Variants in CSMD2 observed in about 807,000 individuals in gnomAD.
CSMD2 encodes the protein CUB and sushi domain-containing protein 2.
Under a neutral mutation model 398.5 loss-of-function variants are expected in CSMD2, and 130 were observed. The ratio of observed to expected loss-of-function variants is 0.33; its 90% CI spans 0.28 to 0.38. CSMD2 has a LOEUF of 0.38. Among genes scored for constraint, CSMD2 ranks in the 10% least tolerant of loss-of-function variants. CSMD2 has a pLI of 1.00. For missense variants in CSMD2, 3,829 were observed against 4,764.9 expected (o/e 0.80, Z 5.78); for synonymous variants, 1,828 against 1,908.5 (o/e 0.96, Z 1.10).
intron 10 of CSMD2, among the ~76,000 whole-genome samples, chr1:33,802,463 C>T (rs1440398626): frequency 6.6e-6 from 1 of 152,220 alleles, no homozygotes; most frequent in Non-Finnish European, 1.5e-5. Context: ...CATTCCCACA[C>T]CACAGCATCC....
chr1:33,901,510 C>T (rs17342783), intron 5 of CSMD2, among the ~76,000 whole-genome samples: 186 of 152,254 alleles, frequency 1.2e-3, no homozygotes, highest in Non-Finnish European at 2.2e-3. Context: ...TGTGCCAGTG[C>T]GTCGTAGGAG....
chr1:33,750,199 AT>A (rs1648029775), intron 13 of CSMD2, among the ~76,000 whole-genome samples: 1 of 152,208 alleles, frequency 6.6e-6, no homozygotes, highest in Non-Finnish European at 1.5e-5. Context: ...ATTTAACACA[AT>A]TCCAGGCCAG....
In CSMD2 at chr1:33,614,509, C is replaced by G. The variant is rs142457038; in HGVS notation, c.6128G>C (p.Gly2043Ala). The change falls in exon 40 of 71, where the codon GGC (glycine) becomes GCC (alanine). Residue 2043 changes from glycine (G) to alanine (A), a missense_variant. Physicochemically the swap from Gly to Ala is moderately conservative, Grantham distance 60 (BLOSUM62 0). Around this residue, in one of 5 missense-constraint regions of CSMD2, gnomAD observed 2,001 missense variants for 2,567.1 expected, o/e 0.78. Transcript: ENST00000373381. ...TGGGGGCTGCAGAGACTTACCAAAGCCCACGGGCAGTGCTATTTTCCAGGA... is the reference window on the plus strand; with the variant it reads ...TGGGGGCTGCAGAGACTTACCAAAGGCCACGGGCAGTGCTATTTTCCAGGA... ...DCSWKIALPV[G>A]FGAHIQFLNF... 8.2e-6 allele frequency: 13 copies of G among 1,590,668 alleles called. No individual in the cohort carries two copies. Among genetic ancestry groups the G allele is most frequent in the Non-Finnish European group, 1.1e-5 (13 of 1,158,754 alleles).
At chr1:33,878,716 A>G (rs1641022304) in intron 5 of CSMD2, among the ~76,000 whole-genome samples, 1 of 152,220 alleles carries the variant, frequency 6.6e-6, no homozygotes. Flanking sequence ...GGGAGGCCTG[A>G]GGACAGTCCA....
chr1:33,650,155 T>A (rs557884646), intron 28 of CSMD2, among the ~76,000 whole-genome samples: 40 of 152,332 alleles, frequency 2.6e-4, no homozygotes, highest in African/African-American at 9.1e-4. Context: ...CCTTCCATCA[T>A]CAAATTTTGA....
chr1:34,016,603 T>C (rs1331299621), intron 3 of CSMD2, among the ~76,000 whole-genome samples: 1 of 152,180 alleles, frequency 6.6e-6, no homozygotes, highest in African/African-American at 2.4e-5. Context: ...ACTGAGTATA[T>C]ACCCAAAGGA....
chr1:33,564,927 C>T (rs532517674), intron 53 of CSMD2, among the ~76,000 whole-genome samples: 33 of 152,294 alleles, frequency 2.2e-4, no homozygotes, highest in African/African-American at 7.7e-4. Flanking sequence ...AAATTACTTC[C>T]AGGCAGCTAA....
At chr1:33,796,627 C>CAT (rs10646945) in intron 10 of CSMD2, among the ~76,000 whole-genome samples, 25,160 of 152,012 alleles carry the variant, frequency 0.17, 3,461 homozygotes, top group African/African-American at 0.38. Context: ...GATTGTAAAA[C>CAT]GTGTGTTTGA....
chr1:33,540,473 G>A, intron 60 of CSMD2, 52 bp downstream of exon 60: 1 of 1,591,292 alleles, frequency 6.3e-7, no homozygotes, highest in Non-Finnish European at 8.6e-7. Flanking sequence ...GAGGAGGCAA[G>A]GGGAAGGAGC....
intron 3 of CSMD2, among the ~76,000 whole-genome samples, chr1:34,005,581 G>A (rs976130263): frequency 2.0e-5 from 3 of 152,218 alleles, no homozygotes; most frequent in Non-Finnish European, 4.4e-5. Flanking sequence ...CCAATATTAT[G>A]AGTCAAGAGG....
Position 34,084,822 on chromosome 1 carries a change from C to T in CSMD2, c.404+4155G>A, listed in dbSNP as rs1179993465. 1.4e-3 allele frequency among the ~76,000 whole-genome samples: 216 copies of T among 152,064 alleles called. 1 individual carries two copies. Among genetic ancestry groups the T allele is most frequent in the African/African-American group, 5.1e-3 (210 of 41,464 alleles). On this transcript the variant is annotated intron_variant, in intron 2 of 70. Transcript: ENST00000373381. Reference sequence around the variant, plus strand: ...TCAACCATTGTGGAAGTCAGTGTGGCGATTCCTCAGGGATCTAGAACTAGA... The same window carrying T: ...TCAACCATTGTGGAAGTCAGTGTGGTGATTCCTCAGGGATCTAGAACTAGA...
chr1:33,920,221 C>T (rs949342392), intron 4 of CSMD2, among the ~76,000 whole-genome samples: 2 of 151,974 alleles, frequency 1.3e-5, no homozygotes, highest in African/African-American at 4.8e-5. Context: ...GGCCTGGCAC[C>T]GTTGAAGAGC....
chr1:33,870,412 T>C (rs1265159989), intron 5 of CSMD2: 1 of 152,152 alleles, frequency 6.6e-6, no homozygotes, highest in African/African-American at 2.4e-5. Flanking sequence ...CCAAAGGGGA[T>C]ACGACCCTTC....
intron 1 of CSMD2, among the ~76,000 whole-genome samples, chr1:34,138,204 C>T (rs1337774204): frequency 6.6e-6 from 1 of 152,200 alleles, no homozygotes; most frequent in Non-Finnish European, 1.5e-5. Context: ...CCTCCACATA[C>T]TATGGTTAAG....
chr1:33,845,016 G>A (rs180676008), intron 6 of CSMD2, among the ~76,000 whole-genome samples: 35 of 152,190 alleles, frequency 2.3e-4, no homozygotes, highest in African/African-American at 7.2e-4. Context: ...AGACTACATT[G>A]TACACAGTAA....
chr1:33,936,432 G>A (rs746541273), intron 3 of CSMD2, among the ~76,000 whole-genome samples: 1 of 152,246 alleles, frequency 6.6e-6, no homozygotes, highest in Non-Finnish European at 1.5e-5. Flanking sequence ...GGCAGCCAGA[G>A]GGGCACTTTG....
At chr1:33,917,606 C>T (rs1487492369) in intron 5 of CSMD2, among the ~76,000 whole-genome samples, 1 of 152,172 alleles carries the variant, frequency 6.6e-6, no homozygotes, top group Non-Finnish European at 1.5e-5. Context: ...AAAGTAAGTC[C>T]TACCCTTCAG....
chr1:34,024,824 C>T (rs1649409703), intron 3 of CSMD2, among the ~76,000 whole-genome samples: 1 of 152,196 alleles, frequency 6.6e-6, no homozygotes, highest in South Asian at 2.1e-4. Context: ...GATCAAATGG[C>T]TTCCATTAGC....
intron 41 of CSMD2, among the ~76,000 whole-genome samples, chr1:33,608,161 A>G (rs1471585495): frequency 1.3e-5 from 2 of 151,152 alleles, no homozygotes; most frequent in African/African-American, 4.9e-5. Context: ...AGTGAGCCCA[A>G]GGCCAGGGCT....
Sources: allele counts gnomAD v4.1 joint callset (sites outside exome capture counted in the v4.1 genomes callset), GRCh38; gene constraint gnomAD v4.1.1; regional missense constraint gnomAD v4.1.1; transcripts MANE v1.5; gene names NCBI Gene and HGNC (gene_info 2026-07-23, HGNC 2026-07-21).